The following SLC6A20 variants were observed in gnomAD, a reference collection of about 807,000 sequenced individuals.
SLC6A20 encodes sodium- and chloride-dependent transporter XTRP3.
A neutral mutation model predicts 64.3 loss-of-function variants in SLC6A20; 73 were observed. That is an observed-to-expected ratio of 1.14 (90% CI 0.94 to 1.38). The LOEUF (loss-of-function observed/expected upper bound fraction) is 1.38. Among genes scored for constraint, SLC6A20 ranks in the 40% most tolerant of loss-of-function variants. The pLI is 0.00. For missense variants in SLC6A20, 725 were observed against 772.8 expected, an observed-to-expected ratio of 0.94 and a Z score of 0.73; for synonymous variants, 347 against 329.6, an observed-to-expected ratio of 1.05 and a Z score of -0.57.
intron 4 of SLC6A20, among the ~76,000 whole-genome samples, chr3:45,774,389 A>G (rs1699930159): frequency 6.6e-6 from 1 of 152,214 alleles, no homozygotes; most frequent in South Asian, 2.1e-4. Context: ...TAATCTGGCA[A>G]ACATAAATTA....
At chr3:45,793,046 A>G (rs1362086874) in intron 1 of SLC6A20, among the ~76,000 whole-genome samples, 3 of 152,238 alleles carry the variant, frequency 2.0e-5, no homozygotes, top group Admixed American at 6.5e-5. Flanking sequence ...GTTTATGAAG[A>G]TGCTCAGGTA....
chr3:45,771,657 A>G (rs1219262850), intron 5 of SLC6A20, 199 bp from the exon 6 acceptor site: 3 of 776,616 alleles, frequency 3.9e-6, no homozygotes, highest in Non-Finnish European at 6.0e-6. Context: ...CAAGCTGCAC[A>G]CCTCCCAGGG....
Position 45,758,448 on chromosome 3 carries a change from C to T in SLC6A20, c.*530G>A, listed in dbSNP as rs1220980820. ...AAGATCTTCTTTCTTTATAACTTGT[C>T]ATCCTAAGATTTAAAGGGTGGAAGG... is the stretch of plus-strand genomic sequence containing the variant. On this transcript the variant is annotated 3_prime_UTR_variant, in exon 11 of 11. Coordinates refer to ENST00000358525, the MANE Select transcript of SLC6A20 (RefSeq NM_020208.4). The T allele has an allele frequency of 7.9e-7, 1 of 1,267,742 alleles. No homozygotes were observed. Among genetic ancestry groups the T allele is most frequent in the Non-Finnish European group, 1.0e-6 (1 of 980,816 alleles). The allele number at this position is 1,267,742 out of a possible 1,614,324, so 78.5% of individuals were successfully genotyped here.
intron 1 of SLC6A20, among the ~76,000 whole-genome samples, chr3:45,792,164 G>C (rs1001001022): frequency 6.6e-6 from 1 of 152,210 alleles, no homozygotes; most frequent in Admixed American, 6.5e-5. Context: ...GGTGAGCCAT[G>C]GGTGAGTGTC....
chr3:45,773,440 TAG>T (rs1699912288), intron 4 of SLC6A20, among the ~76,000 whole-genome samples: 1 of 152,236 alleles, frequency 6.6e-6, no homozygotes, highest in African/African-American at 2.4e-5. Flanking sequence ...ATGGTAGCTT[TAG>T]TAGTCACCTG....
At position 45,782,096 on chromosome 3, in the gene SLC6A20, G is replaced by C. The variant is rs142799557; in HGVS notation, c.249C>G (p.Tyr83Ter). The C allele has an allele frequency of 1.1e-5, 17 of 1,611,490 alleles. No individual in the cohort carries two copies. The Middle Eastern group carries it at 1.2e-3, about 110-fold the overall frequency. ...GGCCCCACGTACCGACACCACTGAG[G>C]TACGGGCTGATGGTCCTCCAGGCGC... ...SIGAWRTISP[Y>*]LSGVGVASVV... Residue 83 changes from tyrosine to a stop codon, truncating the protein, a stop_gained, in exon 2 of 11, where the codon TAC (tyrosine) becomes TAG (stop). Transcript: ENST00000358525. LOFTEE classifies it high-confidence loss of function.
chr3:45,776,113 A>G, intron 3 of SLC6A20, 125 bp from the exon 4 acceptor site: 1 of 872,860 alleles, frequency 1.1e-6, no homozygotes. Context: ...CCCGAAGGGC[A>G]GGTGGCTGGA....
chr3:45,758,331 A>G lies in SLC6A20; in HGVS notation c.*647T>C, dbSNP rs1342437712. On this transcript the variant is annotated 3_prime_UTR_variant, in exon 11 of 11. Coordinates refer to ENST00000358525, the MANE Select transcript of SLC6A20 (RefSeq NM_020208.4). ...CTTCTAATGTGGTTTGGGGTTGCAAACTGTAGTTGGGGCAATTTTTTGTAG... is the reference window on the plus strand; with the variant it reads ...CTTCTAATGTGGTTTGGGGTTGCAAGCTGTAGTTGGGGCAATTTTTTGTAG... 4.4e-6 allele frequency: 4 copies of G among 915,258 alleles called. No individual in the cohort carries two copies. The highest frequency in any genetic ancestry group is 6.0e-6 in the Non-Finnish European group (4 of 662,906). The allele number at this position is 915,258 out of a possible 1,614,324, so 56.7% of individuals were successfully genotyped here. A position where few individuals can be genotyped will look rare whatever the true frequency, so the allele number is the denominator to read the frequency against.
At chr3:45,764,564 T>C (rs7634267) in intron 8 of SLC6A20, among the ~76,000 whole-genome samples, 17,073 of 152,056 alleles carry the variant, frequency 0.11, 2,350 homozygotes, top group African/African-American at 0.33. Flanking sequence ...TAGCCAGGCA[T>C]CATGGTGTGC....
intron 5 of SLC6A20, 48 bp downstream of exon 5, chr3:45,772,457 C>A: frequency 6.6e-7 from 1 of 1,525,468 alleles, no homozygotes; most frequent in Non-Finnish European, 9.0e-7. Flanking sequence ...TGGAAGGTGG[C>A]AGGATAAGTG....
chr3:45,796,414 C>T lies in SLC6A20; in HGVS notation c.6G>A (p.Glu2=). M[E]KARPLWANSL... ...AGTTGGCCCACAGCGGCCGCGCTTT[C>T]TCCATGGCCCCGGCCTCGGCGCGCT... Residue 2 remains glutamate (E), a synonymous_variant, in exon 1 of 11, where the codon GAG becomes GAA. Transcript: ENST00000358525. 2 of 1,611,774 alleles carry T rather than the reference C, an allele frequency of 1.2e-6. No homozygotes were observed. Among genetic ancestry groups the T allele is most frequent in the Non-Finnish European group, 1.7e-6 (2 of 1,179,212 alleles).
intron 7 of SLC6A20, among the ~76,000 whole-genome samples, chr3:45,768,440 G>T (rs1699808433): frequency 6.6e-6 from 1 of 152,218 alleles, no homozygotes; most frequent in South Asian, 2.1e-4. Flanking sequence ...ACTCCCAGGT[G>T]CCATCCATAA....
chr3:45,773,836 T>G (rs921290616), intron 4 of SLC6A20, among the ~76,000 whole-genome samples: 1 of 152,220 alleles, frequency 6.6e-6, no homozygotes. Flanking sequence ...TAGCTGAGGT[T>G]GTTGTAACTT....
At chr3:45,793,494 T>A (rs889916720) in intron 1 of SLC6A20, among the ~76,000 whole-genome samples, 12 of 152,110 alleles carry the variant, frequency 7.9e-5, no homozygotes, top group East Asian at 1.9e-4. Flanking sequence ...CTTTTATTTT[T>A]TATTTTTCTA....
At chr3:45,788,444 G>A (rs1462523201) in intron 1 of SLC6A20, among the ~76,000 whole-genome samples, 1 of 152,130 alleles carries the variant, frequency 6.6e-6, no homozygotes, top group Non-Finnish European at 1.5e-5. Context: ...GACACAACTG[G>A]TAGAAAAGTA....
Position 45,775,787 on chromosome 3 carries a change from G to A in SLC6A20, c.556C>T (p.Leu186=). 3 of 1,614,000 alleles carry A rather than the reference G, an allele frequency of 1.9e-6. No homozygotes were observed. Among genetic ancestry groups the A allele is most frequent in the Non-Finnish European group, 2.5e-6 (3 of 1,179,958 alleles). ...TTGCCAGTGGACTCGGTGCCACGCA[G>A]GATGCACAGGTACACCACCAGCCAG... ...LAWLVVYLCI[L]RGTESTGKVV... Residue 186 remains leucine, a synonymous_variant, in exon 4 of 11, where the codon CTG becomes TTG. Coordinates refer to ENST00000358525, the MANE Select transcript of SLC6A20 (RefSeq NM_020208.4).
intron 2 of SLC6A20, among the ~76,000 whole-genome samples, chr3:45,780,347 G>A (rs914732373): frequency 6.6e-6 from 1 of 152,312 alleles, no homozygotes; most frequent in Admixed American, 6.5e-5. Context: ...ATGTTTTTGA[G>A]ATCTAACTGC....
At chr3:45,761,312 C>T (rs972119332) in intron 9 of SLC6A20, among the ~76,000 whole-genome samples, 1 of 146,500 alleles carries the variant, frequency 6.8e-6, no homozygotes, top group African/African-American at 2.6e-5. Flanking sequence ...CACTAGATGG[C>T]GGTGTCACCT....
In SLC6A20 at chr3:45,759,885, AGG is replaced by A. The variant is rs774597424; in HGVS notation, c.1599_1600del (p.Leu534GlufsTer97). 67 of 1,614,090 alleles carry A rather than the reference AGG, an allele frequency of 4.2e-5. No homozygotes were observed. The highest frequency in any genetic ancestry group is 5.7e-5 in the Non-Finnish European group (67 of 1,179,988). ...GGAGGCGTCCCAGGCTTGATACTTC[AGG>A]GTCCCCGTGAGGATGTAGTCGCTCA... On this transcript the variant is annotated frameshift_variant, in exon 10 of 11. Transcript: ENST00000358525. LOFTEE classifies it low-confidence loss of function (END_TRUNC).
Sources: allele counts gnomAD v4.1 joint callset (sites outside exome capture counted in the v4.1 genomes callset), GRCh38; gene constraint gnomAD v4.1.1; transcripts MANE v1.5; gene names NCBI Gene and HGNC (gene_info 2026-07-23, HGNC 2026-07-21).